The following PHF21B variants were observed in gnomAD, a reference collection of about 807,000 sequenced individuals.
PHF21B encodes the protein PHD finger protein 4.
A neutral mutation model predicts 62.2 loss-of-function variants in PHF21B; 22 were observed. The ratio of observed to expected loss-of-function variants is 0.35; its 90% CI spans 0.25 to 0.51. The LOEUF is 0.51. Ranked by LOEUF, PHF21B falls within the 20% of genes least tolerant of loss-of-function variation. PHF21B has a pLI of 0.97. For synonymous variants in PHF21B, 341 were observed against 314.7 expected, an observed-to-expected ratio of 1.08 and a Z score of -0.88; for missense variants, 701 against 707.9, an observed-to-expected ratio of 0.99 and a Z score of 0.11.
intron 2 of PHF21B, among the ~76,000 whole-genome samples, chr22:45,005,898 A>G (rs1327071618): frequency 6.6e-6 from 1 of 152,060 alleles, no homozygotes; most frequent in Non-Finnish European, 1.5e-5. Context: ...CCACTCCCCC[A>G]TTTCGGCTCC....
chr22:44,969,655 G>A (rs1383432655), intron 2 of PHF21B, among the ~76,000 whole-genome samples: 2 of 151,974 alleles, frequency 1.3e-5, no homozygotes, highest in Non-Finnish European at 2.9e-5. Context: ...CATACAGCGA[G>A]ACTCAGTCTC....
chr22:44,924,491 C>T (rs759747407), intron 2 of PHF21B, among the ~76,000 whole-genome samples: 2 of 152,154 alleles, frequency 1.3e-5, no homozygotes, highest in Admixed American at 6.6e-5. Context: ...GGAGGTGATC[C>T]GGTCATGAGG....
chr22:45,007,121 A>T (rs2073329961), intron 2 of PHF21B, among the ~76,000 whole-genome samples: 1 of 146,574 alleles, frequency 6.8e-6, no homozygotes, highest in African/African-American at 2.5e-5. Flanking sequence ...CCGCGGCACC[A>T]ACTGAAAAGG....
At chr22:44,950,207 A>G (rs2072164997) in intron 2 of PHF21B, among the ~76,000 whole-genome samples, 1 of 152,252 alleles carries the variant, frequency 6.6e-6, no homozygotes, top group African/African-American at 2.4e-5. Context: ...CCTCCTGAAC[A>G]TATATGCACA....
chr22:44,932,579 T>C (rs1044902259), intron 2 of PHF21B, among the ~76,000 whole-genome samples: 3 of 152,220 alleles, frequency 2.0e-5, no homozygotes, highest in Non-Finnish European at 4.4e-5. Context: ...CCACAAAAGA[T>C]GGGTTCACAC....
intron 2 of PHF21B, among the ~76,000 whole-genome samples, chr22:44,996,760 G>A (rs898688218): frequency 2.7e-5 from 4 of 146,740 alleles, no homozygotes; most frequent in South Asian, 2.2e-4. Context: ...ATGCACACAC[G>A]GATCCACACA....
At chr22:44,984,167 T>TCAC (rs2072899677) in intron 2 of PHF21B, among the ~76,000 whole-genome samples, 1 of 124,276 alleles carries the variant, frequency 8.0e-6, no homozygotes, top group African/African-American at 3.4e-5. Flanking sequence ...ATCACCACCA[T>TCAC]CATCACCATC....
intron 2 of PHF21B, chr22:44,933,649 C>T (rs1436511645): frequency 5.4e-5 from 21 of 386,730 alleles, no homozygotes; most frequent in African/African-American, 6.6e-5. Context: ...AGGTTGGTCA[C>T]GCACCTCCAT....
Position 45,009,508 on chromosome 22 carries a change from G to T in PHF21B, c.42C>A (p.Leu14=). 6.4e-7 allele frequency: 1 copy of T among 1,560,230 alleles called. No homozygotes were observed. The highest frequency in any genetic ancestry group is 2.4e-5 in the East Asian group (1 of 42,362). Residue 14 remains leucine (L), a synonymous_variant, in exon 1 of 13, where the codon CTC becomes CTA. Coordinates refer to ENST00000313237, the MANE Select transcript of PHF21B (RefSeq NM_138415.5). The surrounding 1 kb of genome is among the most constrained non-coding windows in gnomAD (Gnocchi z 5.9). ...QSRPEALAVE[L]ARHQNGDLKK... is the part of the protein sequence containing the mutation. ...CCCGGCCACCTACCTGGTGGCGCGC[G>T]AGTTCCACGGCGAGCGCCTCGGGCC...
intron 4 of PHF21B, among the ~76,000 whole-genome samples, chr22:44,915,621 C>T (rs913876733): frequency 4.6e-5 from 7 of 152,190 alleles, no homozygotes; most frequent in African/African-American, 1.7e-4. Flanking sequence ...GAGGGTCGGC[C>T]GTCAACATCC....
rs949428999 is a variant in PHF21B at position 44,910,897 on chromosome 22, T to C, written c.831+2925A>G. On this transcript the variant is annotated intron_variant, in intron 5 of 12. Coordinates refer to ENST00000313237, the MANE Select transcript of PHF21B (RefSeq NM_138415.5). Reference sequence around the variant, plus strand: ...GGGCTCAGAAGAAGACAGAAAAATATGGAAAAGTTCAGAACTTACTAGAGA... The same window carrying C: ...GGGCTCAGAAGAAGACAGAAAAATACGGAAAAGTTCAGAACTTACTAGAGA... Among the ~76,000 whole-genome samples, 14 of 152,288 alleles carry C rather than the reference T, an allele frequency of 9.2e-5. 3 individuals are homozygous for C. The highest frequency in any genetic ancestry group is 3.9e-4 in the East Asian group (2 of 5,184).
chr22:44,989,265 C>T (rs2073003969), intron 2 of PHF21B: 2 of 152,216 alleles, frequency 1.3e-5, no homozygotes. Context: ...TTGGCGGTGG[C>T]GGTGCTGTGC....
chr22:44,981,124 C>G (rs2072834351), intron 2 of PHF21B, among the ~76,000 whole-genome samples: 2 of 152,140 alleles, frequency 1.3e-5, no homozygotes, highest in Admixed American at 6.5e-5. Flanking sequence ...TAGAAGAAGT[C>G]TGATGAGGAA....
chr22:44,932,488 C>G (rs749605397), intron 2 of PHF21B, among the ~76,000 whole-genome samples: 16 of 152,222 alleles, frequency 1.1e-4, no homozygotes, highest in Non-Finnish European at 1.8e-4. Context: ...AAAATCCAAT[C>G]GATGGTAGTG....
At chr22:44,969,591 G>C (rs2072597507) in intron 2 of PHF21B, among the ~76,000 whole-genome samples, 1 of 152,134 alleles carries the variant, frequency 6.6e-6, no homozygotes, top group Non-Finnish European at 1.5e-5. Context: ...ACTTGAACCT[G>C]GGAGGTAGAG....
intron 2 of PHF21B, chr22:45,000,550 G>A (rs1209340546): frequency 6.6e-6 from 1 of 152,158 alleles, no homozygotes; most frequent in African/African-American, 2.4e-5. Context: ...GAGGCATCAT[G>A]GGACTACCAA....
intron 2 of PHF21B, among the ~76,000 whole-genome samples, chr22:45,007,117 C>T (rs1483339734): frequency 1.4e-5 from 2 of 147,718 alleles, no homozygotes; most frequent in Non-Finnish European, 3.0e-5. Context: ...GGGGCCGCGG[C>T]ACCAACTGAA....
chr22:44,967,967 G>A (rs578118448), intron 2 of PHF21B, among the ~76,000 whole-genome samples: 1 of 152,292 alleles, frequency 6.6e-6, no homozygotes, highest in African/African-American at 2.4e-5. Context: ...GAGGAAGACT[G>A]TAAAGGTGTC....
At position 44,913,982 on chromosome 22, in the gene PHF21B, G is replaced by A. The variant is rs2071390361; in HGVS notation, c.671C>T (p.Pro224Leu). Residue 224 changes from proline (P) to leucine (L), a missense_variant, in exon 5 of 13, where the codon CCC becomes CTC. Physicochemically the swap from Pro to Leu is moderately conservative, Grantham distance 98. Transcript: ENST00000313237. ...TPPSPSLSPS[P>L]LHGIFQVIII... The stretch of plus-strand genomic sequence containing the variant: ...GATGACCTGGAAGATGCCATGGAGG[G>A]GTGAAGGGGACAGTGATGGGGAGGG... 6.2e-7 allele frequency: 1 copy of A among 1,609,118 alleles called. No individual in the cohort carries two copies. The highest frequency in any genetic ancestry group is 8.5e-7 in the Non-Finnish European group (1 of 1,176,348).
Sources: gnomAD v4.1 joint callset for allele counts (sites outside exome capture counted in the v4.1 genomes callset) on GRCh38, gnomAD v4.1.1 for gene constraint, Gnocchi (gnomAD v3.1) non-coding constraint, MANE v1.5 for transcripts, NCBI Gene and HGNC (gene_info 2026-07-23, HGNC 2026-07-21) for gene names.